Variants in PHLPP2 observed in about 807,000 individuals in gnomAD.
PHLPP2 encodes PH domain and leucine rich repeat protein phosphatase 2.
Under a neutral mutation model 124.9 loss-of-function variants are expected in PHLPP2, and 66 were observed. The observed-to-expected ratio is 0.53, with a 90% CI of 0.43 to 0.65. PHLPP2 has a LOEUF of 0.65. Ranked by LOEUF, PHLPP2 falls within the 30% of genes least tolerant of loss-of-function variation. PHLPP2 has a pLI of 0.00. For synonymous variants in PHLPP2, 681 were observed against 624.7 expected, an observed-to-expected ratio of 1.09 and a Z score of -1.34; for missense variants, 1,685 against 1,600.4, an observed-to-expected ratio of 1.05 and a Z score of -0.90.
chr16:71,653,064 T>C (rs2044709195), intron 17 of PHLPP2, 43 bp from the exon 18 acceptor site: 1 of 1,349,506 alleles, frequency 7.4e-7, no homozygotes, highest in East Asian at 2.3e-5. Flanking sequence ...TGGCTAGTTT[T>C]AGAAGAAAGT....
chr16:71,668,917 G>A (rs1049977356), intron 11 of PHLPP2, among the ~76,000 whole-genome samples: 1 of 152,128 alleles, frequency 6.6e-6, no homozygotes, highest in Non-Finnish European at 1.5e-5. Context: ...GTTTTTAAAG[G>A]ATTAGGTAAG....
chr16:71,655,169 C>T (rs2044731719), intron 17 of PHLPP2, 71 bp downstream of exon 17: 2 of 999,892 alleles, frequency 2.0e-6, no homozygotes, highest in East Asian at 2.4e-5. Context: ...TAGACCCTGA[C>T]CTTCTGGTTT....
chr16:71,655,376 C>CAT lies in PHLPP2; in HGVS notation c.2447_2448dup (p.Gly817MetfsTer25). ...TCATTTCGGTCTCCATCAAACATGC[C>CAT]ATACACAGCTCCCACCCCCTCTGCA... On this transcript the variant is annotated frameshift_variant, in exon 17 of 19. Coordinates refer to ENST00000568954, the MANE Select transcript of PHLPP2 (RefSeq NM_015020.3). LOFTEE classifies it high-confidence loss of function. The CAT allele has an allele frequency of 6.2e-7, 1 of 1,614,014 alleles. No homozygotes were observed.
At chr16:71,698,998 C>A (rs1249879294) in intron 3 of PHLPP2, among the ~76,000 whole-genome samples, 1 of 152,050 alleles carries the variant, frequency 6.6e-6, no homozygotes, top group Admixed American at 6.6e-5. Context: ...AGCTGATGCA[C>A]CAAAAATTCT....
intron 3 of PHLPP2, among the ~76,000 whole-genome samples, chr16:71,701,055 C>T (rs2045227777): frequency 6.6e-6 from 1 of 151,992 alleles, no homozygotes; most frequent in African/African-American, 2.4e-5. Flanking sequence ...GAACTGAGGC[C>T]ATGTGAGTGA....
At chr16:71,695,680 AG>A (rs2045162191) in intron 3 of PHLPP2, among the ~76,000 whole-genome samples, 1 of 151,422 alleles carries the variant, frequency 6.6e-6, no homozygotes, top group Non-Finnish European at 1.5e-5. Flanking sequence ...ACTGCACTCC[AG>A]CCTGGGAAAC....
At chr16:71,670,724 G>C (rs2044885250) in intron 10 of PHLPP2, among the ~76,000 whole-genome samples, 1 of 16,716 alleles carries the variant, frequency 6.0e-5, no homozygotes, top group Non-Finnish European at 1.4e-4. Context: ...ACACACACGA[G>C]AGGAGGGGAA....
At position 71,669,270 on chromosome 16, in the gene PHLPP2, C is replaced by T. The variant is rs772626446; in HGVS notation, c.1628+5G>A. On this transcript the variant is annotated splice_donor_5th_base_variant and intron_variant, in intron 11 of 18. Coordinates refer to ENST00000568954, the MANE Select transcript of PHLPP2 (RefSeq NM_015020.3). The stretch of plus-strand genomic sequence containing the variant: ...TACATAATATATGCATCCAGGCACA[C>T]ATACCTCACGGGAACCTCTGTGAGA... The T allele has an allele frequency of 6.3e-7, 1 of 1,586,540 alleles. No individual in the cohort carries two copies. The highest frequency in any genetic ancestry group is 8.6e-7 in the Non-Finnish European group (1 of 1,156,950).
In PHLPP2 at chr16:71,658,667, A is replaced by G; in HGVS notation, c.2134T>C (p.Leu712=). Residue 712 remains leucine (L), a synonymous_variant, in exon 14 of 19, where the codon TTG becomes CTG. Coordinates refer to ENST00000568954, the MANE Select transcript of PHLPP2 (RefSeq NM_015020.3). ...NISIFPEILQ[L]PQIQFVDLSC... Reference sequence around the variant, plus strand: ...CACAGAAGTACCTGGATCTGAGGCAACTGCAGTATTTCTGGGAAAATGCTG... The same window carrying G: ...CACAGAAGTACCTGGATCTGAGGCAGCTGCAGTATTTCTGGGAAAATGCTG... 3.1e-6 allele frequency: 5 copies of G among 1,614,138 alleles called. No homozygotes were observed. Among genetic ancestry groups the G allele is most frequent in the Non-Finnish European group, 4.2e-6 (5 of 1,179,998 alleles).
chr16:71,656,755 T>A, intron 15 of PHLPP2, 74 bp from the exon 16 acceptor site: 1 of 288,188 alleles, frequency 3.5e-6, no homozygotes, highest in South Asian at 7.1e-5. Flanking sequence ...AATAGTATTC[T>A]TTTTTTTTTT....
Position 71,719,964 on chromosome 16 carries a change from A to ATTTTTTTTTTTTTTTTTTTTT in PHLPP2, c.-7+4344_-7+4364dup, listed in dbSNP as rs756642820. ...AGGTGCACAACACCATGCCCAGCTA[A>ATTTTTTTTTTTTTTTTTTTTT]TTTTTTTTTTTTTTTTTTTTTTTTG... On this transcript the variant is annotated intron_variant, in intron 1 of 18. Coordinates refer to ENST00000568954, the MANE Select transcript of PHLPP2 (RefSeq NM_015020.3). Among the ~76,000 whole-genome samples, 68 of 53,246 alleles carry ATTTTTTTTTTTTTTTTTTTTT rather than the reference A, an allele frequency of 1.3e-3. 9 individuals are homozygous for ATTTTTTTTTTTTTTTTTTTTT. Among genetic ancestry groups the ATTTTTTTTTTTTTTTTTTTTT allele is most frequent in the African/African-American group, 2.7e-3 (32 of 11,982 alleles). The allele number at this position is 53,246 out of a possible 152,430, so 34.9% of individuals were successfully genotyped here. A position where few individuals can be genotyped will look rare whatever the true frequency, so the allele number is the denominator to read the frequency against.
rs141296681 is a variant in PHLPP2, at chr16:71,648,915, G to A, written c.3947C>T (p.Pro1316Leu). The change falls in exon 19 of 19, where the codon CCG (proline) becomes CTG (leucine). Residue 1316 changes from proline (P) to leucine (L), a missense_variant. Pro to Leu is a moderately conservative substitution (Grantham distance 98). Coordinates refer to ENST00000568954, the MANE Select transcript of PHLPP2 (RefSeq NM_015020.3). The stretch of plus-strand genomic sequence containing the variant: ...TCATAGTGCTGTGTCGAACTCCTCC[G>A]GGGGCTCGGTCCGATCCTCTTCATG... ...EPHEEDRTEP[P>L]EEFDTAL is the part of the protein sequence containing the mutation. 71 of 1,612,450 alleles carry A rather than the reference G, an allele frequency of 4.4e-5. No individual in the cohort carries two copies. The highest frequency in any genetic ancestry group is 3.7e-4 in the Admixed American group (22 of 60,018).
At chr16:71,696,762 T>G (rs2045175474) in intron 3 of PHLPP2, among the ~76,000 whole-genome samples, 1 of 152,214 alleles carries the variant, frequency 6.6e-6, no homozygotes. Context: ...TTTGCCACTT[T>G]CGTATATATC....
chr16:71,701,514 CT>C (rs1193422822), intron 3 of PHLPP2, among the ~76,000 whole-genome samples: 3 of 152,132 alleles, frequency 2.0e-5, no homozygotes, highest in Non-Finnish European at 2.9e-5. Flanking sequence ...AACTGGTACT[CT>C]TTTAGACTCT....
chr16:71,708,570 C>G (rs1002577869), intron 2 of PHLPP2, among the ~76,000 whole-genome samples: 2 of 152,144 alleles, frequency 1.3e-5, no homozygotes, highest in African/African-American at 4.8e-5. Context: ...ACGGATGTCC[C>G]TGACAAAGAG....
chr16:71,704,644 GA>G (rs1173328022), intron 2 of PHLPP2, among the ~76,000 whole-genome samples: 1 of 151,270 alleles, frequency 6.6e-6, no homozygotes, highest in Admixed American at 6.6e-5. Flanking sequence ...AATGATCAAA[GA>G]AAAAAAAGCC....
At chr16:71,693,505 C>A (rs781083400) in intron 3 of PHLPP2, among the ~76,000 whole-genome samples, 7 of 152,148 alleles carry the variant, frequency 4.6e-5, no homozygotes, top group Non-Finnish European at 7.3e-5. Context: ...ATGAACAATT[C>A]CTTCCTATTC....
chr16:71,667,460 A>C, intron 11 of PHLPP2, 127 bp from the exon 12 acceptor site: 8 of 701,294 alleles, frequency 1.1e-5, no homozygotes, highest in Non-Finnish European at 1.8e-5. Flanking sequence ...TTGTATACTC[A>C]CTGACAAGTG....
chr16:71,663,030 C>T (rs1488732132), intron 13 of PHLPP2, among the ~76,000 whole-genome samples: 3 of 152,152 alleles, frequency 2.0e-5, no homozygotes, highest in Non-Finnish European at 2.9e-5. Flanking sequence ...GAGCCTAGCC[C>T]CATCCCCAGG....
Sources: gnomAD v4.1 joint callset for allele counts (sites outside exome capture counted in the v4.1 genomes callset) on GRCh38, gnomAD v4.1.1 for gene constraint, MANE v1.5 for transcripts, NCBI Gene and HGNC (gene_info 2026-07-23, HGNC 2026-07-21) for gene names.